NUP214: variants seen among roughly 807,000 people sequenced by gnomAD.
NUP214 encodes nuclear pore complex protein Nup214.
Under a neutral mutation model 196.2 loss-of-function variants are expected in NUP214, and 79 were observed. The ratio of observed to expected loss-of-function variants is 0.40; its 90% CI spans 0.34 to 0.49. The LOEUF is 0.49. Among genes scored for constraint, NUP214 ranks in the 20% least tolerant of loss-of-function variants. NUP214 has a pLI of 0.58. For missense variants in NUP214, 2,468 were observed against 2,539.0 expected (o/e 0.97, Z 0.60); for synonymous variants, 1,020 against 990.5 (o/e 1.03, Z -0.56).
chr9:131,147,716 A>G (rs1031603163), intron 14 of NUP214, 132 bp downstream of exon 14: 4 of 688,636 alleles, frequency 5.8e-6, no homozygotes, highest in African/African-American at 5.4e-5. Context: ...GTGATAGTAA[A>G]TACCAAAGTG....
chr9:131,130,183 G>T (rs1420904624), intron 4 of NUP214, among the ~76,000 whole-genome samples: 2 of 105,314 alleles, frequency 1.9e-5, no homozygotes, highest in Non-Finnish European at 3.5e-5. Flanking sequence ...TTGCTCTGTC[G>T]CCCAGGCTGG....
chr9:131,157,253 C>G (rs1030685151), intron 17 of NUP214, among the ~76,000 whole-genome samples: 2 of 151,892 alleles, frequency 1.3e-5, no homozygotes, highest in African/African-American at 2.4e-5. Flanking sequence ...GCCTCGAACT[C>G]GGGCTCAAGT....
rs1281114491 is a variant in NUP214 at position 131,129,390 on chromosome 9, C to A, written c.505C>A (p.Leu169Met). 6.2e-6 allele frequency: 10 copies of A among 1,614,182 alleles called. No individual in the cohort carries two copies. The African/African-American group carries it at 8.0e-5, about 13-fold the overall frequency. Residue 169 changes from leucine (L) to methionine (M), a missense_variant, in exon 4 of 36, where the codon CTG (leucine) becomes ATG (methionine). Leu to Met is a conservative substitution (Grantham distance 15). Transcript: ENST00000359428. ...TGTCCCCTCCATGGTGGCAGTTTGT[C>A]TGGCTGATGGTAGTATTGCTGTCCT... Reference protein sequence around the residue: ...PTVPSMVAVCLADGSIAVLQV... With the variant: ...PTVPSMVAVCMADGSIAVLQV...
At chr9:131,140,502 C>T in intron 10 of NUP214, 47 bp from the exon 11 acceptor site, 2 of 1,548,366 alleles carry the variant, frequency 1.3e-6, no homozygotes, top group South Asian at 1.2e-5. Context: ...TGGGCTCAGG[C>T]CCTTAAATTC....
chr9:131,187,204 A>G lies in NUP214; in HGVS notation c.3420-85A>G, dbSNP rs1277101335. The G allele has an allele frequency of 7.6e-6, 9 of 1,176,696 alleles. No homozygotes were observed. In the South Asian group the frequency reaches 1.1e-4, roughly 14 times the overall value. 72.9% of individuals were successfully genotyped at this position (1,176,696 alleles called of 1,614,324 possible). A position where few individuals can be genotyped will look rare whatever the true frequency, so the allele number is the denominator to read the frequency against. On this transcript the variant is annotated intron_variant, in intron 24 of 35. Transcript: ENST00000359428. ...ATCCTACCCAAAACTGGTATTGTAT[A>G]TTGGACAGAAGGTTGGCTTGAGAAT...
At chr9:131,205,843 C>T (rs1372518486) in intron 30 of NUP214, among the ~76,000 whole-genome samples, 1 of 152,042 alleles carries the variant, frequency 6.6e-6, no homozygotes, top group Non-Finnish European at 1.5e-5. Flanking sequence ...CCACCACGCC[C>T]AGCTAATTTT....
At chr9:131,132,115 C>CTTTTCT (rs142450352) in intron 5 of NUP214, among the ~76,000 whole-genome samples, 6 of 108,180 alleles carry the variant, frequency 5.5e-5, no homozygotes, top group African/African-American at 1.7e-4. Flanking sequence ...CTTTTCTTTT[C>CTTTTCT]TTTCTTTTTT....
At chr9:131,165,290 T>C (rs1034834064) in intron 21 of NUP214, 3 of 152,186 alleles carry the variant, frequency 2.0e-5, no homozygotes, top group Admixed American at 2.0e-4. Context: ...ATTAAAAAGT[T>C]AAAAAATTAC....
chr9:131,178,473 G>T lies in NUP214; in HGVS notation c.3419+63G>T. The T allele has an allele frequency of 2.7e-6, 3 of 1,128,516 alleles. No homozygotes were observed. The East Asian group carries it at 7.3e-5, about 27-fold the overall frequency. 69.9% of individuals were successfully genotyped at this position (1,128,516 alleles called of 1,614,324 possible). On this transcript the variant is annotated intron_variant, in intron 24 of 35. Transcript: ENST00000359428. ...CTTCTGTAGTAGCGGTGGACTGCCT[G>T]CAGGGAGCAGCAGTGCCACTGTCAC...
Position 131,174,338 on chromosome 9 carries a change from G to A in NUP214, c.3157+20G>A, listed in dbSNP as rs957983756. The A allele has an allele frequency of 1.4e-5, 22 of 1,600,538 alleles. No individual in the cohort carries two copies. Among genetic ancestry groups the A allele is most frequent in the African/African-American group, 2.7e-5 (2 of 74,028 alleles). ...CTTCAGGTAAGTAAACAGTGGGAAA[G>A]GAAACTGTTTTTCCCTATGATGTTT... On this transcript the variant is annotated intron_variant, in intron 22 of 35. Coordinates refer to ENST00000359428, the MANE Select transcript of NUP214 (RefSeq NM_005085.4).
At chr9:131,223,723 A>ATTTCT (rs1222974193) in intron 32 of NUP214, among the ~76,000 whole-genome samples, 1 of 18,968 alleles carries the variant, frequency 5.3e-5, no homozygotes, top group Non-Finnish European at 1.2e-4. Flanking sequence ...TTATTTATTT[A>ATTTCT]TTTATTTTTT....
At chr9:131,223,737 T>TTA (rs1834643577) in intron 32 of NUP214, among the ~76,000 whole-genome samples, 1 of 37,546 alleles carries the variant, frequency 2.7e-5, no homozygotes, top group Non-Finnish European at 6.0e-5. Flanking sequence ...ATTTTTTTTT[T>TTA]TTTTTTTTTT....
intron 21 of NUP214, among the ~76,000 whole-genome samples, chr9:131,169,113 A>C (rs187600551): frequency 4.7e-5 from 7 of 148,946 alleles, no homozygotes; most frequent in African/African-American, 1.7e-4. Flanking sequence ...GCTCACTGCA[A>C]CCTCTGCCTC....
chr9:131,138,211 C>T (rs539313602), intron 9 of NUP214, among the ~76,000 whole-genome samples: 3 of 151,142 alleles, frequency 2.0e-5, no homozygotes, highest in African/African-American at 7.3e-5. Flanking sequence ...TCCCTCCACT[C>T]CCCTCTCCTC....
At chr9:131,213,722 C>T (rs1272711775) in intron 30 of NUP214, among the ~76,000 whole-genome samples, 1 of 151,588 alleles carries the variant, frequency 6.6e-6, no homozygotes, top group Non-Finnish European at 1.5e-5. Flanking sequence ...AGCTGTGACT[C>T]ACCATTAAAT....
Position 131,172,162 on chromosome 9 carries a change from T to C in NUP214, c.2894-1893T>C, listed in dbSNP as rs548937173. On this transcript the variant is annotated intron_variant, in intron 21 of 35. Coordinates refer to ENST00000359428, the MANE Select transcript of NUP214 (RefSeq NM_005085.4). ...CCACAATGGTTGAACTAGTTTACAG[T>C]CCCACCAACAGTGTAAAAGTGTTCC... Among the ~76,000 whole-genome samples, 1,156 of 150,780 alleles carry C rather than the reference T, an allele frequency of 7.7e-3. 17 individuals carry two copies. The highest frequency in any genetic ancestry group is 9.4e-3 in the Non-Finnish European group (631 of 67,306).
chr9:131,135,279 T>C, intron 8 of NUP214: 1 of 358,706 alleles, frequency 2.8e-6, no homozygotes. Flanking sequence ...TTGGTTTTTG[T>C]TTTTTGTTTT....
rs376408789 is a variant in NUP214, at chr9:131,159,379, A to G, written c.2437-4A>G. 5.0e-6 allele frequency: 8 copies of G among 1,609,428 alleles called. No homozygotes were observed. The highest frequency in any genetic ancestry group is 4.5e-5 in the East Asian group (2 of 44,864). On this transcript the variant is annotated splice_polypyrimidine_tract_variant and splice_region_variant and intron_variant, in intron 17 of 35. Transcript: ENST00000359428. ...TTATTTGCCTTTTAATTTTTTTCTTATAGGAAATTCGGCGCCTTCATCAGT... is the reference window on the plus strand; with the variant it reads ...TTATTTGCCTTTTAATTTTTTTCTTGTAGGAAATTCGGCGCCTTCATCAGT...
At chr9:131,156,167 C>G (rs906402717) in intron 17 of NUP214, among the ~76,000 whole-genome samples, 1 of 121,698 alleles carries the variant, frequency 8.2e-6, no homozygotes. Flanking sequence ...GAGTCTTGCT[C>G]TGTCACCCAG....
Sources: allele counts gnomAD v4.1 joint callset (sites outside exome capture counted in the v4.1 genomes callset), GRCh38; gene constraint gnomAD v4.1.1; transcripts MANE v1.5; gene names NCBI Gene and HGNC (gene_info 2026-07-23, HGNC 2026-07-21).